Variants in ZNRF3 observed in about 807,000 individuals in gnomAD.
ZNRF3 encodes E3 ubiquitin-protein ligase ZNRF3.
ZNRF3 carries 23 observed loss-of-function variants against 72.5 expected under a neutral mutation model. The ratio of observed to expected loss-of-function variants is 0.32; its 90% CI spans 0.23 to 0.45. ZNRF3 has a LOEUF of 0.45. Ranked by LOEUF, ZNRF3 falls within the 20% of genes least tolerant of loss-of-function variation. The pLI is 1.00. For synonymous variants in ZNRF3, 610 were observed against 545.3 expected, an observed-to-expected ratio of 1.12 and a Z score of -1.65; for missense variants, 1,169 against 1,272.1, an observed-to-expected ratio of 0.92 and a Z score of 1.23.
intron 2 of ZNRF3, chr22:29,031,749 G>T: frequency 1.5e-5 from 7 of 461,866 alleles, no homozygotes; most frequent in Non-Finnish European, 2.0e-5. Flanking sequence ...GGCGTCAGGC[G>T]TGGCCAGTCC....
chr22:28,940,367 G>A (rs918812791), intron 1 of ZNRF3, among the ~76,000 whole-genome samples: 2 of 152,128 alleles, frequency 1.3e-5, no homozygotes, highest in African/African-American at 4.8e-5. Context: ...GAGAGGTATG[G>A]CAGTGTTATT....
At position 28,959,765 on chromosome 22, in the gene ZNRF3, A is replaced by C. The variant is rs144015387; in HGVS notation, c.301-27311A>C. ...GAGGTCAAGAGGGTGGGACCTTCAC[A>C]GTGGGCTTAGTGCCCTTATAAAAAG... On this transcript the variant is annotated intron_variant, in intron 1 of 8. Coordinates refer to ENST00000544604, the MANE Select transcript of ZNRF3 (RefSeq NM_001206998.2). Among the ~76,000 whole-genome samples the C allele has an allele frequency of 9.3e-4, 141 of 152,340 alleles. 1 individual carries two copies. In the South Asian group the frequency reaches 0.023, roughly 24 times the overall value.
At chr22:28,905,401 T>C (rs963662482) in intron 1 of ZNRF3, among the ~76,000 whole-genome samples, 6 of 152,182 alleles carry the variant, frequency 3.9e-5, no homozygotes, top group Non-Finnish European at 7.3e-5. Flanking sequence ...TCCTGATCAT[T>C]TCAGGCTTGC....
At chr22:28,959,271 TCACCTTATGACTGCCA>T (rs1229978544) in intron 1 of ZNRF3, among the ~76,000 whole-genome samples, 1 of 152,246 alleles carries the variant, frequency 6.6e-6, no homozygotes, top group African/African-American at 2.4e-5. Context: ...GGTGAACACC[TCACCTTATGACTGCCA>T]CACCTTATGA....
intron 1 of ZNRF3, among the ~76,000 whole-genome samples, chr22:28,980,372 T>C (rs1057011513): frequency 6.6e-6 from 1 of 152,234 alleles, no homozygotes. Flanking sequence ...TACAAATAAT[T>C]TTAAAAATCA....
At chr22:28,966,687 T>A (rs1234944521) in intron 1 of ZNRF3, among the ~76,000 whole-genome samples, 1 of 151,840 alleles carries the variant, frequency 6.6e-6, no homozygotes. Flanking sequence ...TATAAAGAAA[T>A]TTTTTTACAG....
chr22:28,995,665 C>T (rs1043289968), intron 2 of ZNRF3, among the ~76,000 whole-genome samples: 5 of 152,062 alleles, frequency 3.3e-5, no homozygotes, highest in African/African-American at 4.8e-5. Flanking sequence ...AGTCAAAGCT[C>T]GTAAAATTAC....
chr22:28,972,774 T>A (rs2035600656), intron 1 of ZNRF3, among the ~76,000 whole-genome samples: 1 of 152,230 alleles, frequency 6.6e-6, no homozygotes, highest in Admixed American at 6.5e-5. Flanking sequence ...CAACACTTGG[T>A]ATGACATGAT....
intron 2 of ZNRF3, among the ~76,000 whole-genome samples, chr22:29,024,485 TGATATAAAGTGGA>T (rs1458091174): frequency 6.6e-6 from 1 of 152,028 alleles, no homozygotes; most frequent in Non-Finnish European, 1.5e-5. Flanking sequence ...GATAACAAGT[TGATATAAAGTGGA>T]GACACATAGG....
intron 2 of ZNRF3, among the ~76,000 whole-genome samples, chr22:28,987,649 A>G (rs2035879569): frequency 6.6e-6 from 1 of 152,206 alleles, no homozygotes; most frequent in South Asian, 2.1e-4. Context: ...CAGTAACCAA[A>G]CACATTCACA....
At chr22:28,937,206 TA>T (rs1569252725) in intron 1 of ZNRF3, among the ~76,000 whole-genome samples, 410 of 4,752 alleles carry the variant, frequency 0.086, 1 homozygote, top group Non-Finnish European at 0.13. Context: ...TATATATATA[TA>T]TATATATATT....
rs181544219 is a variant in ZNRF3, at chr22:29,052,514, G to A, written c.2768-1065G>A. On this transcript the variant is annotated intron_variant, in intron 8 of 8. Transcript: ENST00000544604. The stretch of plus-strand genomic sequence containing the variant: ...CCGAGGCCATCCTGGCCAACATGGC[G>A]AAACCCCGTCTCTAATAAAAATATG... Among the ~76,000 whole-genome samples, 7 of 152,258 alleles carry A rather than the reference G, an allele frequency of 4.6e-5. No homozygotes were observed. The East Asian group carries it at 9.6e-4, about 21-fold the overall frequency.
chr22:28,953,642 C>T (rs532400342), intron 1 of ZNRF3, among the ~76,000 whole-genome samples: 3 of 152,342 alleles, frequency 2.0e-5, no homozygotes, highest in Non-Finnish European at 2.9e-5. Flanking sequence ...ATGCCATCAA[C>T]GACCAAGGTT....
At chr22:28,996,873 G>T (rs929829041) in intron 2 of ZNRF3, among the ~76,000 whole-genome samples, 5 of 152,308 alleles carry the variant, frequency 3.3e-5, no homozygotes, top group African/African-American at 1.2e-4. Flanking sequence ...AGGAACTTGG[G>T]TAAAGCTACA....
intron 1 of ZNRF3, among the ~76,000 whole-genome samples, chr22:28,952,702 GTGTCGAGC>G (rs1454482186): frequency 6.6e-6 from 1 of 152,058 alleles, no homozygotes; most frequent in African/African-American, 2.4e-5. Flanking sequence ...TTTTTTTCTG[GTGTCGAGC>G]TTTGACAGTT....
intron 1 of ZNRF3, among the ~76,000 whole-genome samples, chr22:28,951,534 C>G (rs535716480): frequency 1.2e-4 from 19 of 152,292 alleles, no homozygotes; most frequent in African/African-American, 4.1e-4. Flanking sequence ...CCTCATAGCC[C>G]CCATAAGGAA....
At chr22:28,896,242 C>T (rs530364636) in intron 1 of ZNRF3, among the ~76,000 whole-genome samples, 1 of 152,264 alleles carries the variant, frequency 6.6e-6, no homozygotes, top group African/African-American at 2.4e-5. Flanking sequence ...TCAAGCGATT[C>T]TCCTGCCTCA....
chr22:28,897,826 G>A (rs1376845034), intron 1 of ZNRF3, among the ~76,000 whole-genome samples: 2 of 152,158 alleles, frequency 1.3e-5, no homozygotes, highest in Admixed American at 6.5e-5. Context: ...TGTCTTGGAT[G>A]TAAAACATGT....
At chr22:28,951,484 C>T (rs745544969) in intron 1 of ZNRF3, among the ~76,000 whole-genome samples, 1 of 152,212 alleles carries the variant, frequency 6.6e-6, no homozygotes, top group Non-Finnish European at 1.5e-5. Flanking sequence ...AGACTGCCAG[C>T]AGCCCACCAG....
Sources: gnomAD v4.1 joint callset for allele counts (sites outside exome capture counted in the v4.1 genomes callset) on GRCh38, gnomAD v4.1.1 for gene constraint, MANE v1.5 for transcripts, NCBI Gene and HGNC (gene_info 2026-07-23, HGNC 2026-07-21) for gene names.